Variants in DDX60L observed in about 807,000 individuals in gnomAD.
DDX60L encodes DExD/H-box 60 like.
A neutral mutation model predicts 211.6 loss-of-function variants in DDX60L; 191 were observed. The ratio of observed to expected loss-of-function variants is 0.90; its 90% CI spans 0.80 to 1.02. The LOEUF (loss-of-function observed/expected upper bound fraction) is 1.02. Among genes scored for constraint, DDX60L ranks in the 50% least tolerant of loss-of-function variants. The pLI is 0.00. For missense variants in DDX60L, 2,007 were observed against 1,984.1 expected, an observed-to-expected ratio of 1.01 and a Z score of -0.22; for synonymous variants, 706 against 694.1, an observed-to-expected ratio of 1.02 and a Z score of -0.27.
At chr4:168,428,178 C>T (rs1237320662) in intron 13 of DDX60L, among the ~76,000 whole-genome samples, 1 of 152,206 alleles carries the variant, frequency 6.6e-6, no homozygotes, top group Non-Finnish European at 1.5e-5. Flanking sequence ...TGAGCCAGCC[C>T]CACCTGGCCA....
At chr4:168,447,987 C>T (rs1265104947) in intron 9 of DDX60L, among the ~76,000 whole-genome samples, 2 of 150,960 alleles carry the variant, frequency 1.3e-5, no homozygotes, top group Non-Finnish European at 3.0e-5. Context: ...ATGTAACTAA[C>T]CTGCACAATG....
At chr4:168,431,545 A>C (rs1430429632) in intron 12 of DDX60L, among the ~76,000 whole-genome samples, 4 of 116,184 alleles carry the variant, frequency 3.4e-5, no homozygotes, top group East Asian at 2.9e-4. Context: ...CACTCTGGGG[A>C]CTGTTGTGCG....
At chr4:168,402,817 C>T (rs1465766671) in intron 25 of DDX60L, among the ~76,000 whole-genome samples, 2 of 152,178 alleles carry the variant, frequency 1.3e-5, no homozygotes, top group African/African-American at 4.8e-5. Flanking sequence ...AACCAGTGGA[C>T]TCAACCTAGG....
chr4:168,459,307 G>A (rs544436288), intron 5 of DDX60L, among the ~76,000 whole-genome samples: 125 of 151,910 alleles, frequency 8.2e-4, no homozygotes, highest in Admixed American at 1.3e-3. Context: ...GCAACATAGC[G>A]AGACCCTATA....
At chr4:168,430,413 A>T (rs996536100) in intron 13 of DDX60L, 65 bp downstream of exon 13, 4 of 1,404,050 alleles carry the variant, frequency 2.8e-6, no homozygotes, top group Non-Finnish European at 3.8e-6. Flanking sequence ...CCAGAGACAA[A>T]TATGAGCCTA....
Position 168,357,981 on chromosome 4 carries a change from A to G in DDX60L, c.*166T>C, listed in dbSNP as rs1579121431. ...TGAAGTTAAAGCTCAGATATATTAC[A>G]TAACTTAAAGTCATTCAGTTAGAAA... On this transcript the variant is annotated 3_prime_UTR_variant, in exon 38 of 38. Coordinates refer to ENST00000682922, the MANE Select transcript of DDX60L (RefSeq NM_001012967.3). 2 of 591,640 alleles carry G rather than the reference A, an allele frequency of 3.4e-6. No individual in the cohort carries two copies. The highest frequency in any genetic ancestry group is 3.2e-5 in the East Asian group (1 of 31,690). The allele number at this position is 591,640 out of a possible 1,614,324, so 36.6% of individuals were successfully genotyped here.
chr4:168,476,672 T>C (rs777989870), intron 1 of DDX60L, among the ~76,000 whole-genome samples: 3 of 151,902 alleles, frequency 2.0e-5, no homozygotes, highest in Admixed American at 2.0e-4. Flanking sequence ...GAAAAAAAAA[T>C]CATATGCATC....
At position 168,423,655 on chromosome 4, in the gene DDX60L, T is replaced by C; in HGVS notation, c.2050A>G (p.Lys684Glu). Residue 684 changes from lysine to glutamate, a missense_variant, in exon 15 of 38, where the codon AAA (lysine) becomes GAA (glutamate). Physicochemically the swap from Lys to Glu is moderately conservative, Grantham distance 56. Coordinates refer to ENST00000682922, the MANE Select transcript of DDX60L (RefSeq NM_001012967.3). ...GCCAGATCATTAAAGCCTAAATATT[T>C]AAGGCATTTAGCTATATATTGATGA... Reference protein sequence around the residue: ...EHHQYIAKCLKYLGFNDLANS... With the variant: ...EHHQYIAKCLEYLGFNDLANS... 2 of 1,599,158 alleles carry C rather than the reference T, an allele frequency of 1.3e-6. No homozygotes were observed. Among genetic ancestry groups the C allele is most frequent in the Non-Finnish European group, 1.7e-6 (2 of 1,172,830 alleles).
rs190404087 is a variant in DDX60L, at chr4:168,390,617, G to A, written c.3915+923C>T. 2.9e-5 allele frequency: 22 copies of A among 747,422 alleles called. No individual in the cohort carries two copies. The Admixed American group carries it at 6.0e-4, about 20-fold the overall frequency. 46.3% of individuals were successfully genotyped at this position (747,422 alleles called of 1,614,324 possible). ...TTATAATTTATCTTTTATATTTCGA[G>A]ACTAGGCAAAGATTATTGTCAGTTT... On this transcript the variant is annotated intron_variant, in intron 29 of 37. Coordinates refer to ENST00000682922, the MANE Select transcript of DDX60L (RefSeq NM_001012967.3).
At chr4:168,417,249 T>C (rs974276793) in intron 19 of DDX60L, among the ~76,000 whole-genome samples, 2 of 152,158 alleles carry the variant, frequency 1.3e-5, no homozygotes, top group Non-Finnish European at 2.9e-5. Flanking sequence ...ACAAGCTGCT[T>C]AACTGGAAGT....
intron 10 of DDX60L, 57 bp downstream of exon 10, chr4:168,441,280 T>C: frequency 6.8e-7 from 1 of 1,470,712 alleles, no homozygotes; most frequent in South Asian, 1.4e-5. Context: ...TTAGGGCTTC[T>C]AAAAGTTGTT....
At chr4:168,476,915 A>C (rs1236011419) in intron 1 of DDX60L, among the ~76,000 whole-genome samples, 2 of 152,224 alleles carry the variant, frequency 1.3e-5, no homozygotes, top group Non-Finnish European at 2.9e-5. Flanking sequence ...GGTGCAAAGA[A>C]CATTAAGACT....
In DDX60L at chr4:168,421,838, G is replaced by C; in HGVS notation, c.2316C>G (p.Thr772=). 6.2e-7 allele frequency: 1 copy of C among 1,614,192 alleles called. No homozygotes were observed. The highest frequency in any genetic ancestry group is 8.5e-7 in the Non-Finnish European group (1 of 1,180,034). Residue 772 remains threonine, a synonymous_variant, in exon 17 of 38, where the codon ACC becomes ACG. Coordinates refer to ENST00000682922, the MANE Select transcript of DDX60L (RefSeq NM_001012967.3). ...TCTCCATGCAGTAGTAGGAAGCATA[G>C]GTTTTGCCTGAGGACGTTGGGGCAA... ...VIVAPTSSGK[T]YASYYCMEKV...
chr4:168,426,498 C>G (rs55748914), intron 14 of DDX60L, among the ~76,000 whole-genome samples: 20,340 of 152,230 alleles, frequency 0.13, 1,863 homozygotes, highest in Non-Finnish European at 0.19. Flanking sequence ...CTTCTTTGCC[C>G]TGGAGGGAAA....
At chr4:168,381,964 G>A (rs1285718298) in intron 30 of DDX60L, among the ~76,000 whole-genome samples, 1 of 152,026 alleles carries the variant, frequency 6.6e-6, no homozygotes, top group Admixed American at 6.6e-5. Flanking sequence ...CAAGAATGGG[G>A]CCACTTTTAC....
chr4:168,361,588 C>T (rs1447506264), intron 36 of DDX60L: 5 of 157,608 alleles, frequency 3.2e-5, no homozygotes, highest in African/African-American at 1.2e-4. Flanking sequence ...AAGAACTAGA[C>T]CTAAGAAAAA....
At chr4:168,458,409 C>T (rs969048778) in intron 5 of DDX60L, among the ~76,000 whole-genome samples, 1 of 152,126 alleles carries the variant, frequency 6.6e-6, no homozygotes, top group African/African-American at 2.4e-5. Flanking sequence ...AACCCAAATG[C>T]CCATCAATCA....
At chr4:168,424,868 G>C (rs1048242935) in intron 14 of DDX60L, among the ~76,000 whole-genome samples, 1 of 152,122 alleles carries the variant, frequency 6.6e-6, no homozygotes, top group East Asian at 1.9e-4. Flanking sequence ...TCTGTGGTTT[G>C]GTGCGGTTTT....
intron 4 of DDX60L, among the ~76,000 whole-genome samples, chr4:168,468,037 C>T (rs1304488604): frequency 6.6e-6 from 1 of 152,082 alleles, no homozygotes; most frequent in Admixed American, 6.6e-5. Context: ...CATGGTGGCG[C>T]ATGCCTGTAA....
Sources: allele counts gnomAD v4.1 joint callset (sites outside exome capture counted in the v4.1 genomes callset), GRCh38; gene constraint gnomAD v4.1.1; transcripts MANE v1.5; gene names NCBI Gene and HGNC (gene_info 2026-07-23, HGNC 2026-07-21).